Variants in TCP11L2 observed in about 807,000 individuals in gnomAD.
TCP11L2 encodes the protein t-complex 11 like 2, also known as T-complex protein 11-like protein 2.
Under a neutral mutation model 50.7 loss-of-function variants are expected in TCP11L2, and 39 were observed. That is an observed-to-expected ratio of 0.77 (90% confidence interval 0.60 to 1.01). The LOEUF (loss-of-function observed/expected upper bound fraction) is 1.01. TCP11L2 is among the 50% of genes least tolerant of loss of function. The pLI, the probability that TCP11L2 is intolerant of heterozygous loss-of-function variation, is 0.00. For synonymous variants in TCP11L2, 192 were observed against 219.3 expected, an observed-to-expected ratio of 0.88 and a Z score of 1.10; for missense variants, 612 against 614.7, an observed-to-expected ratio of 1.00 and a Z score of 0.05.
At chr12:106,327,440 A>G (rs2035593365) in intron 6 of TCP11L2, among the ~76,000 whole-genome samples, 1 of 152,046 alleles carries the variant, frequency 6.6e-6, no homozygotes, top group Non-Finnish European at 1.5e-5. Context: ...CCTGCCTCTC[A>G]ACTTGCTGGG....
chr12:106,307,518 TC>T (rs1344714281), intron 1 of TCP11L2: 1 of 152,218 alleles, frequency 6.6e-6, no homozygotes, highest in East Asian at 1.9e-4. Flanking sequence ...TAAAGGATAA[TC>T]CAAAATAGTT....
chr12:106,303,165 G>A (rs2136575238), intron 1 of TCP11L2: 2 of 152,340 alleles, frequency 1.3e-5, no homozygotes, highest in East Asian at 3.9e-4. Flanking sequence ...GCGGGGAGCG[G>A]GGCACCGAGT....
chr12:106,314,576 T>TGTGTGTGTGTGTGAGAGA (rs1469308055), intron 3 of TCP11L2, 83 bp downstream of exon 3: 1 of 252,996 alleles, frequency 4.0e-6, no homozygotes, highest in African/African-American at 4.1e-5. Context: ...TGTGTGTGTG[T>TGTGTGTGTGTGTGAGAGA]GAGAGAGAGA....
upstream of TCP11L2, among the ~76,000 whole-genome samples, chr12:106,299,636 G>A (rs1001912286): frequency 6.6e-6 from 1 of 152,166 alleles, no homozygotes; most frequent in African/African-American, 2.4e-5. Context: ...GGAACATAAT[G>A]AGAAGCTCAG....
rs1433443588 is a variant in TCP11L2, at chr12:106,316,836, C to G, written c.294-1508C>G. On this transcript the variant is annotated intron_variant, in intron 3 of 9. Coordinates refer to ENST00000299045, the MANE Select transcript of TCP11L2 (RefSeq NM_152772.3). ...TTTAATAAACATTTATTGACTAATA[C>G]AAATGAATTTTTTGAGATGGAGTCT... Among the ~76,000 whole-genome samples, 4 of 152,234 alleles carry G rather than the reference C, an allele frequency of 2.6e-5. No individual in the cohort carries two copies. The East Asian group carries it at 7.7e-4, about 29-fold the overall frequency.
intron 5 of TCP11L2, among the ~76,000 whole-genome samples, 198 bp from the exon 6 acceptor site, chr12:106,323,312 C>T (rs770731183): frequency 7.2e-5 from 11 of 152,096 alleles, no homozygotes; most frequent in Non-Finnish European, 1.2e-4. Flanking sequence ...CAAGTAATTA[C>T]TCTTGAGATC....
At chr12:106,309,156 C>T (rs2034750988) in intron 1 of TCP11L2, among the ~76,000 whole-genome samples, 1 of 152,202 alleles carries the variant, frequency 6.6e-6, no homozygotes. Flanking sequence ...GGAGGGTGAA[C>T]ATTCCATTTA....
chr12:106,307,872 A>G lies in TCP11L2; in HGVS notation c.-35-3169A>G, dbSNP rs1232655537. 3.3e-5 allele frequency among the ~76,000 whole-genome samples: 5 copies of G among 152,242 alleles called. No individual in the cohort carries two copies. The East Asian group carries it at 9.6e-4, about 29-fold the overall frequency. On this transcript the variant is annotated intron_variant, in intron 1 of 9. Coordinates refer to ENST00000299045, the MANE Select transcript of TCP11L2 (RefSeq NM_152772.3). ...ACATTTGTATACTGTTTACTGTGTC[A>G]ATGACTGTTCCAAACACGCTGCATG...
At chr12:106,323,419 T>G in intron 5 of TCP11L2, 91 bp from the exon 6 acceptor site, 1 of 1,195,730 alleles carries the variant, frequency 8.4e-7, no homozygotes, top group Non-Finnish European at 1.1e-6. Context: ...TTGGGGATGT[T>G]TATTGTTTTC....
chr12:106,300,332 T>C (rs377132286), upstream of TCP11L2, among the ~76,000 whole-genome samples: 166 of 152,274 alleles, frequency 1.1e-3, 4 homozygotes, highest in East Asian at 0.019. Context: ...GTGTTGTTTT[T>C]GTTTTGTTTT....
intron 8 of TCP11L2, among the ~76,000 whole-genome samples, chr12:106,338,131 A>T (rs1452263184): frequency 1.3e-5 from 2 of 152,196 alleles, no homozygotes; most frequent in African/African-American, 4.8e-5. Context: ...TGAAGAGCTG[A>T]AAGAGGATTT....
In TCP11L2 at chr12:106,311,035, G is replaced by T; in HGVS notation, c.-35-6G>T. ...ACATTGACGCAGGGTCTGTTTGTCT[G>T]TGCAGGTGCTACCTTTTTACCCACA... On this transcript the variant is annotated splice_polypyrimidine_tract_variant and splice_region_variant and intron_variant, in intron 1 of 9. Transcript: ENST00000299045. The T allele has an allele frequency of 6.2e-7, 1 of 1,606,526 alleles. No homozygotes were observed. Among genetic ancestry groups the T allele is most frequent in the South Asian group, 1.1e-5 (1 of 89,758 alleles).
intron 3 of TCP11L2, among the ~76,000 whole-genome samples, chr12:106,315,179 T>C (rs1592939311): frequency 6.6e-6 from 1 of 151,998 alleles, no homozygotes; most frequent in Non-Finnish European, 1.5e-5. Context: ...GAGGTTTCAG[T>C]GAGCCGAGAT....
upstream of TCP11L2, among the ~76,000 whole-genome samples, chr12:106,298,833 G>A (rs1450208157): frequency 7.4e-6 from 1 of 136,012 alleles, no homozygotes; most frequent in Admixed American, 7.4e-5. Context: ...ATTTTTTTTT[G>A]TGAGACCAGG....
intron 1 of TCP11L2, among the ~76,000 whole-genome samples, chr12:106,305,864 G>A (rs1161366685): frequency 6.6e-6 from 1 of 152,180 alleles, no homozygotes; most frequent in Non-Finnish European, 1.5e-5. Flanking sequence ...TCTGAGGAAC[G>A]CAAAGAAGAT....
chr12:106,318,460 G>C lies in TCP11L2; in HGVS notation c.410G>C (p.Arg137Thr). 6.2e-7 allele frequency: 1 copy of C among 1,613,720 alleles called. No homozygotes were observed. Among genetic ancestry groups the C allele is most frequent in the Non-Finnish European group, 8.5e-7 (1 of 1,179,702 alleles). Residue 137 changes from arginine (R) to threonine (T), a missense_variant, in exon 4 of 10, where the codon AGA becomes ACA. By Grantham distance (71) the Arg-to-Thr change is moderately conservative. Transcript: ENST00000299045. ...GCCATCAAACTGTTTGAAGAAATCA[G>C]AGAGGCAAGTTGCTTTGTTGTCTGT... is the stretch of plus-strand genomic sequence containing the variant. The part of the protein sequence containing the change: ...EHAIKLFEEI[R>T]EILLSFLTPG...
chr12:106,320,635 C>T, intron 4 of TCP11L2, among the ~76,000 whole-genome samples: 1 of 152,206 alleles, frequency 6.6e-6, no homozygotes, highest in Admixed American at 6.5e-5. Context: ...CTGTCCAGGG[C>T]TGGTTCCTGC....
chr12:106,328,186 A>C (rs1482940976), intron 6 of TCP11L2, among the ~76,000 whole-genome samples: 1 of 152,258 alleles, frequency 6.6e-6, no homozygotes, highest in African/African-American at 2.4e-5. Context: ...TATTTATGGA[A>C]TATTTTAAAG....
chr12:106,322,128 T>C (rs1565848778), intron 5 of TCP11L2, among the ~76,000 whole-genome samples: 1 of 152,202 alleles, frequency 6.6e-6, no homozygotes, highest in South Asian at 2.1e-4. Flanking sequence ...ACATAAACCC[T>C]AAATTCTCAG....
Sources: allele counts gnomAD v4.1 joint callset (sites outside exome capture counted in the v4.1 genomes callset), GRCh38; gene constraint gnomAD v4.1.1; transcripts MANE v1.5; gene names NCBI Gene and HGNC (gene_info 2026-07-23, HGNC 2026-07-21).